The following PALM2AKAP2 variants were observed in gnomAD, a reference collection of about 807,000 sequenced individuals.
PALM2AKAP2 encodes the protein PALM2-AKAP2 fusion protein.
Under a neutral mutation model 71.5 loss-of-function variants are expected in PALM2AKAP2, and 37 were observed. The observed-to-expected ratio is 0.52, with a 90% CI of 0.40 to 0.68. The LOEUF (loss-of-function observed/expected upper bound fraction) is 0.68, where lower values mean the gene tolerates loss of function less well. Ranked by LOEUF, PALM2AKAP2 falls within the 30% of genes least tolerant of loss-of-function variation. The probability of loss-of-function intolerance (pLI) is 0.00; values close to 1 mark genes in which losing one functional copy is unlikely to be tolerated. For missense variants in PALM2AKAP2, 1,224 were observed against 1,191.8 expected (o/e 1.03, Z -0.40); for synonymous variants, 468 against 478.8 (o/e 0.98, Z 0.29).
intron 1 of PALM2AKAP2, among the ~76,000 whole-genome samples, chr9:109,645,692 G>C (rs1450371764): frequency 1.3e-5 from 2 of 152,120 alleles, no homozygotes; most frequent in Non-Finnish European, 2.9e-5. Flanking sequence ...ATAAGTGAGA[G>C]CTAAATGATG....
At chr9:110,123,994 G>A (rs1414788246) in intron 1 of PALM2AKAP2, among the ~76,000 whole-genome samples, 2 of 152,120 alleles carry the variant, frequency 1.3e-5, no homozygotes, top group African/African-American at 2.4e-5. Context: ...GCATAAATTC[G>A]GAGTTCCCTT....
At position 110,017,752 on chromosome 9, in the gene PALM2AKAP2, G is replaced by A. The variant is rs545606014; in HGVS notation, c.582+1713G>A. Reference sequence around the variant, plus strand: ...TCCTTTTTTTTTTTTTTTTTAAGACGGAGTCTTGCTGTGTCGCCAGGCTGG... The same window carrying A: ...TCCTTTTTTTTTTTTTTTTTAAGACAGAGTCTTGCTGTGTCGCCAGGCTGG... On this transcript the variant is annotated intron_variant, in intron 7 of 9. Coordinates refer to the PALM2AKAP2 transcript ENST00000302798. Among the ~76,000 whole-genome samples the A allele has an allele frequency of 6.0e-5, 9 of 150,422 alleles. No homozygotes were observed. In the South Asian group the frequency reaches 6.3e-4, roughly 11 times the overall value.
chr9:109,930,607 C>A (rs1254914391), intron 5 of PALM2AKAP2, among the ~76,000 whole-genome samples: 2 of 152,198 alleles, frequency 1.3e-5, no homozygotes, highest in Admixed American at 6.5e-5. Flanking sequence ...ATTGTTCAGA[C>A]TCATTTGCAA....
chr9:109,739,659 A>G (rs1447058274), intron 1 of PALM2AKAP2, among the ~76,000 whole-genome samples: 4 of 152,206 alleles, frequency 2.6e-5, no homozygotes, highest in Non-Finnish European at 5.9e-5. Flanking sequence ...CAGTTCTATG[A>G]TACACCCCAA....
chr9:109,780,074 A>G (rs923323256), upstream of PALM2AKAP2, among the ~76,000 whole-genome samples: 57 of 150,858 alleles, frequency 3.8e-4, no homozygotes, highest in Admixed American at 1.6e-3. Context: ...CGCGGCGGCG[A>G]TCGCTCGGAG....
chr9:110,117,188 C>T (rs146177069), intron 1 of PALM2AKAP2, among the ~76,000 whole-genome samples: 1 of 152,272 alleles, frequency 6.6e-6, no homozygotes, highest in East Asian at 1.9e-4. Context: ...GATGTGATCA[C>T]AGCTCACTGC....
chr9:110,148,247 T>C (rs1024262685), intron 2 of PALM2AKAP2, among the ~76,000 whole-genome samples: 1 of 152,262 alleles, frequency 6.6e-6, no homozygotes. Flanking sequence ...TTTCTTTCCT[T>C]CTAGAGTTTT....
chr9:109,816,664 G>A (rs1167525969), intron 1 of PALM2AKAP2, among the ~76,000 whole-genome samples: 2 of 152,208 alleles, frequency 1.3e-5, no homozygotes, highest in Admixed American at 1.3e-4. Flanking sequence ...AAGTCACCCC[G>A]GATGATGGTG....
intron 6 of PALM2AKAP2, chr9:109,943,949 G>T: frequency 6.5e-6 from 1 of 154,558 alleles, no homozygotes; most frequent in Non-Finnish European, 1.4e-5. Context: ...TCCGATCTAG[G>T]GTGATGCTTT....
intron 6 of PALM2AKAP2, among the ~76,000 whole-genome samples, chr9:109,971,074 C>A (rs995845871): frequency 1.3e-5 from 2 of 152,128 alleles, no homozygotes; most frequent in African/African-American, 4.8e-5. Context: ...GCCTGGGCAA[C>A]AGAGCAAGAC....
chr9:109,794,178 T>A (rs976296853), intron 1 of PALM2AKAP2, among the ~76,000 whole-genome samples: 1 of 152,242 alleles, frequency 6.6e-6, no homozygotes, highest in Non-Finnish European at 1.5e-5. Flanking sequence ...TTACCGAAGC[T>A]GGCATGTGAG....
At chr9:110,064,046 C>T (rs1178044675) in intron 1 of PALM2AKAP2, among the ~76,000 whole-genome samples, 3 of 152,110 alleles carry the variant, frequency 2.0e-5, no homozygotes, top group Non-Finnish European at 2.9e-5. Flanking sequence ...TTAGGAGCTT[C>T]CACGGACCAA....
intron 1 of PALM2AKAP2, among the ~76,000 whole-genome samples, chr9:109,674,604 G>A (rs1029572896): frequency 6.6e-6 from 1 of 151,860 alleles, no homozygotes; most frequent in Non-Finnish European, 1.5e-5. Context: ...ACCTTTTGGG[G>A]GTTTAATGGG....
intron 1 of PALM2AKAP2, among the ~76,000 whole-genome samples, chr9:109,644,128 A>C (rs1249719604): frequency 6.6e-6 from 1 of 152,164 alleles, no homozygotes; most frequent in African/African-American, 2.4e-5. Flanking sequence ...CCCCATGTAC[A>C]ACACTGGGGA....
At chr9:109,826,379 A>AAAT (rs1199258706) in intron 1 of PALM2AKAP2, among the ~76,000 whole-genome samples, 1 of 152,130 alleles carries the variant, frequency 6.6e-6, no homozygotes, top group Non-Finnish European at 1.5e-5. Flanking sequence ...ATAAATAAAT[A>AAAT]AATAAATAAA....
intron 3 of PALM2AKAP2, among the ~76,000 whole-genome samples, chr9:109,915,091 G>C (rs980743752): frequency 6.6e-6 from 1 of 152,196 alleles, no homozygotes; most frequent in African/African-American, 2.4e-5. Flanking sequence ...CCATTTCCCA[G>C]AGTGGAGCCT....
chr9:109,680,915 G>A (rs1767816593), intron 1 of PALM2AKAP2, among the ~76,000 whole-genome samples: 1 of 152,126 alleles, frequency 6.6e-6, no homozygotes, highest in South Asian at 2.1e-4. Context: ...TACTATCCAA[G>A]TTCATAGATT....
chr9:110,083,113 C>A (rs1376332278), intron 1 of PALM2AKAP2, among the ~76,000 whole-genome samples: 1 of 152,110 alleles, frequency 6.6e-6, no homozygotes, highest in Non-Finnish European at 1.5e-5. Flanking sequence ...TGCACTCCAG[C>A]CTGGGCAACA....
At chr9:109,694,515 T>C (rs1303523692) in intron 1 of PALM2AKAP2, among the ~76,000 whole-genome samples, 4 of 151,912 alleles carry the variant, frequency 2.6e-5, no homozygotes, top group African/African-American at 9.7e-5. Context: ...AACAAAAATG[T>C]TTAAGATCTA....
Sources: gnomAD v4.1 joint callset for allele counts (sites outside exome capture counted in the v4.1 genomes callset) on GRCh38, gnomAD v4.1.1 for gene constraint, MANE v1.5 for transcripts, NCBI Gene and HGNC (gene_info 2026-07-23, HGNC 2026-07-21) for gene names.